Variants in OLFM2 observed in about 807,000 individuals in gnomAD.
OLFM2 encodes noelin-2.
Under a neutral mutation model 43.9 loss-of-function variants are expected in OLFM2, and 20 were observed. The ratio of observed to expected loss-of-function variants is 0.46; its 90% confidence interval spans 0.32 to 0.66. OLFM2 has a LOEUF of 0.66. Ranked by LOEUF, OLFM2 falls within the 30% of genes least tolerant of loss-of-function variation. The pLI, the probability that OLFM2 is intolerant of heterozygous loss-of-function variation, is 0.04. For missense variants in OLFM2, 416 were observed against 643.6 expected, an observed-to-expected ratio of 0.65 and a Z score of 3.83; for synonymous variants, 268 against 278.6, an observed-to-expected ratio of 0.96 and a Z score of 0.38.
In OLFM2 at chr19:9,853,893, G is replaced by A. The variant is rs1189501294; in HGVS notation, c.*293C>T. ...GGAAGGACAGAGAGAGAGAGACAGAGAGAGGCAGAGACGGAAAGAACTGGA... is the reference window on the plus strand; with the variant it reads ...GGAAGGACAGAGAGAGAGAGACAGAAAGAGGCAGAGACGGAAAGAACTGGA... On this transcript the variant is annotated 3_prime_UTR_variant, in exon 6 of 6. Coordinates refer to ENST00000264833, the MANE Select transcript of OLFM2 (RefSeq NM_058164.4). The A allele has an allele frequency of 1.8e-6, 1 of 565,514 alleles. No individual in the cohort carries two copies. Among genetic ancestry groups the A allele is most frequent in the African/African-American group, 1.9e-5 (1 of 53,064 alleles). 35.0% of individuals were successfully genotyped at this position (565,514 alleles called of 1,614,324 possible).
At chr19:9,905,770 T>A (rs1021960801) in intron 1 of OLFM2, among the ~76,000 whole-genome samples, 11 of 152,100 alleles carry the variant, frequency 7.2e-5, no homozygotes, top group African/African-American at 2.7e-4. Context: ...GCCAAAAACC[T>A]ACCTTGCCAT....
At chr19:9,931,609 T>A (rs35704188) in intron 1 of OLFM2, among the ~76,000 whole-genome samples, 44,961 of 150,462 alleles carry the variant, frequency 0.3, 8,167 homozygotes, top group African/African-American at 0.51. Context: ...GCTGAGGCAC[T>A]AGAATCTCTT....
At chr19:9,902,022 C>T (rs1355187263) in intron 1 of OLFM2, among the ~76,000 whole-genome samples, 5 of 146,590 alleles carry the variant, frequency 3.4e-5, no homozygotes, top group Non-Finnish European at 7.4e-5. Context: ...ACTTTATATA[C>T]TGACTATATA....
chr19:9,936,193 T>C, intron 1 of OLFM2, 111 bp downstream of exon 1: 1 of 1,138,656 alleles, frequency 8.8e-7, no homozygotes. Flanking sequence ...CTCGCCGCCC[T>C]GCAGCTGGGG....
intron 1 of OLFM2, among the ~76,000 whole-genome samples, chr19:9,886,011 T>C (rs8108431): frequency 0.38 from 57,103 of 151,162 alleles, 11,018 homozygotes; most frequent in South Asian, 0.44. Flanking sequence ...GTGGGAGGAT[T>C]GCTAGAGCCC....
intron 1 of OLFM2, among the ~76,000 whole-genome samples, chr19:9,883,421 G>C (rs1423095237): frequency 1.3e-5 from 2 of 152,006 alleles, no homozygotes; most frequent in Non-Finnish European, 2.9e-5. Flanking sequence ...TGGAGGGGAG[G>C]GGGTAGTGGC....
Position 9,854,120 on chromosome 19 carries a change from G to T in OLFM2, c.*66C>A, listed in dbSNP as rs531793439. On this transcript the variant is annotated 3_prime_UTR_variant, in exon 6 of 6. Transcript: ENST00000264833. The surrounding 1 kb of genome is among the most constrained non-coding windows in gnomAD (Gnocchi z 9.5). ...GAGAGATCACCCTTGAGGGACACAG[G>T]CAGAATGAAAAGGGCCCCCAGCCCC... is the stretch of plus-strand genomic sequence containing the variant. 8.1e-5 allele frequency: 117 copies of T among 1,436,092 alleles called. No individual in the cohort carries two copies. The South Asian group carries it at 1.3e-3, about 16-fold the overall frequency. The allele number at this position is 1,436,092 out of a possible 1,614,324, so 89.0% of individuals were successfully genotyped here. A position where few individuals can be genotyped will look rare whatever the true frequency, so the allele number is the denominator to read the frequency against.
chr19:9,871,517 G>A (rs541105885), intron 1 of OLFM2, among the ~76,000 whole-genome samples: 111 of 151,208 alleles, frequency 7.3e-4, no homozygotes, highest in African/African-American at 2.6e-3. Context: ...AGGTTGCAGT[G>A]AGCTGAGATC....
chr19:9,891,616 CAAA>C (rs1373918070), intron 1 of OLFM2, among the ~76,000 whole-genome samples: 2 of 107,562 alleles, frequency 1.9e-5, no homozygotes, highest in African/African-American at 3.5e-5. Context: ...GACTCCATCT[CAAA>C]AAAAAAAAAA....
At chr19:9,870,468 C>G (rs565993864) in intron 1 of OLFM2, among the ~76,000 whole-genome samples, 2 of 152,210 alleles carry the variant, frequency 1.3e-5, no homozygotes, top group African/African-American at 4.8e-5. Flanking sequence ...TCCAGAATAT[C>G]TCCTTGCTAT....
chr19:9,908,793 T>C (rs1599494666), intron 1 of OLFM2, among the ~76,000 whole-genome samples: 1 of 151,944 alleles, frequency 6.6e-6, no homozygotes, highest in African/African-American at 2.4e-5. Flanking sequence ...GCCAGGCTGG[T>C]CTTGAACTCC....
intron 1 of OLFM2, among the ~76,000 whole-genome samples, chr19:9,910,425 G>T (rs2046818559): frequency 1.3e-5 from 2 of 152,058 alleles, no homozygotes; most frequent in South Asian, 4.1e-4. Flanking sequence ...GCACTTGATA[G>T]TCTTGTGGAA....
rs557221494 is a variant in OLFM2, at chr19:9,882,376, A to C, written c.64-21582T>G. ...ACACAGTGAAACCCCGTCTCTACTA[A>C]AAATACAAAAAATTAGCCAGGCAAG... On this transcript the variant is annotated intron_variant, in intron 1 of 5. Coordinates refer to ENST00000264833, the MANE Select transcript of OLFM2 (RefSeq NM_058164.4). 4.3e-4 allele frequency among the ~76,000 whole-genome samples: 65 copies of C among 150,520 alleles called. 1 individual carries two copies. In the South Asian group the frequency reaches 6.7e-3, roughly 16 times the overall value.
At chr19:9,860,014 C>G (rs544429199) in intron 2 of OLFM2, among the ~76,000 whole-genome samples, 1 of 152,136 alleles carries the variant, frequency 6.6e-6, no homozygotes, top group African/African-American at 2.4e-5. Flanking sequence ...TGGTGGCACA[C>G]GCCTGTAATC....
chr19:9,911,534 C>T (rs2046827354), intron 1 of OLFM2, among the ~76,000 whole-genome samples: 1 of 152,092 alleles, frequency 6.6e-6, no homozygotes, highest in South Asian at 2.1e-4. Flanking sequence ...GCATCCTACC[C>T]ACATGCACAC....
chr19:9,909,357 C>G (rs2046809937), intron 1 of OLFM2, among the ~76,000 whole-genome samples: 1 of 152,172 alleles, frequency 6.6e-6, no homozygotes, highest in Non-Finnish European at 1.5e-5. Flanking sequence ...AGCTCTTAGT[C>G]TGGTCCTGGA....
At chr19:9,884,433 C>T (rs541268788) in intron 1 of OLFM2, among the ~76,000 whole-genome samples, 54 of 151,944 alleles carry the variant, frequency 3.6e-4, no homozygotes, top group Non-Finnish European at 6.9e-4. Context: ...TAAAATTAGC[C>T]GGGTGTGGTG....
chr19:9,857,511 G>GGGTCAAA lies in OLFM2; in HGVS notation c.361-30_361-29insTTTGACC. ...TGCATCAAGATGGAACCATGGCCAA[G>GGGTCAAA]CCTGACCCCTGGCCTTTGACCCAGA... On this transcript the variant is annotated intron_variant, in intron 3 of 5. Transcript: ENST00000264833. This position sits in a 1 kb window ranked among gnomAD's most constrained non-coding sequence, Gnocchi z 5.7. 2 of 1,609,362 alleles carry GGGTCAAA rather than the reference G, an allele frequency of 1.2e-6. No individual in the cohort carries two copies. Among genetic ancestry groups the GGGTCAAA allele is most frequent in the Non-Finnish European group, 1.7e-6 (2 of 1,178,028 alleles).
chr19:9,913,450 C>G (rs1370956629), intron 1 of OLFM2: 1 of 1,040,396 alleles, frequency 9.6e-7, no homozygotes, highest in Non-Finnish European at 1.2e-6. Context: ...TACCACGCCC[C>G]CCGGGAGCGC....
Sources: allele counts gnomAD v4.1 joint callset (sites outside exome capture counted in the v4.1 genomes callset), GRCh38; gene constraint gnomAD v4.1.1; non-coding constraint Gnocchi (gnomAD v3.1); transcripts MANE v1.5; gene names NCBI Gene and HGNC (gene_info 2026-07-23, HGNC 2026-07-21).